LIN7A: variants seen among roughly 807,000 people sequenced by gnomAD.
LIN7A encodes the protein protein lin-7 homolog A.
LIN7A carries 25 observed loss-of-function variants against 29.8 expected under a neutral mutation model. That is an observed-to-expected ratio of 0.84 (90% confidence interval 0.61 to 1.17). The LOEUF (loss-of-function observed/expected upper bound fraction) is 1.17. Ranked by LOEUF, LIN7A falls within the 50% of genes most tolerant of loss-of-function variation. The pLI is 0.00. For missense variants in LIN7A, 239 were observed against 287.0 expected (o/e 0.83, Z 1.21); for synonymous variants, 118 against 107.5 (o/e 1.10, Z -0.60).
chr12:80,895,516 T>C (rs1430424025), intron 1 of LIN7A, among the ~76,000 whole-genome samples: 1 of 152,214 alleles, frequency 6.6e-6, no homozygotes, highest in African/African-American at 2.4e-5. Context: ...TGTTGAGCAC[T>C]CAAGCTAACA....
intron 4 of LIN7A, among the ~76,000 whole-genome samples, chr12:80,842,558 T>G (rs1281114329): frequency 2.6e-5 from 4 of 152,176 alleles, no homozygotes; most frequent in Non-Finnish European, 5.9e-5. Flanking sequence ...AAATTGTACC[T>G]TATTTAAAGC....
intron 2 of LIN7A, among the ~76,000 whole-genome samples, chr12:80,886,282 C>T (rs896202810): frequency 6.6e-6 from 1 of 151,724 alleles, no homozygotes; most frequent in African/African-American, 2.4e-5. Flanking sequence ...TATAATGCAA[C>T]TTCGAGACAT....
At position 80,851,331 on chromosome 12, in the gene LIN7A, A is replaced by T. The variant is rs974674427; in HGVS notation, c.202-3009T>A. Among the ~76,000 whole-genome samples the T allele has an allele frequency of 6.6e-5, 10 of 151,972 alleles. No individual in the cohort carries two copies. In the East Asian group the frequency reaches 1.5e-3, roughly 23 times the overall value. On this transcript the variant is annotated intron_variant, in intron 2 of 5. Coordinates refer to ENST00000552864, the MANE Select transcript of LIN7A (RefSeq NM_004664.4). ...ATTATAATATATGAAGACTTAGTGGAATGAATCCAATATAATTGCTAGTCT... is the reference window on the plus strand; with the variant it reads ...ATTATAATATATGAAGACTTAGTGGTATGAATCCAATATAATTGCTAGTCT...
chr12:80,924,159 T>C (rs759363989), intron 1 of LIN7A, among the ~76,000 whole-genome samples: 2 of 152,192 alleles, frequency 1.3e-5, no homozygotes, highest in Non-Finnish European at 2.9e-5. Context: ...CATTAGGCTA[T>C]CATTTACTTT....
chr12:80,812,055 A>C (rs537087937), intron 4 of LIN7A, among the ~76,000 whole-genome samples: 18 of 152,186 alleles, frequency 1.2e-4, no homozygotes, highest in Non-Finnish European at 2.4e-4. Context: ...TTTCTGTATC[A>C]GATATTAAAA....
chr12:80,891,776 T>C, intron 1 of LIN7A, among the ~76,000 whole-genome samples: 1 of 151,986 alleles, frequency 6.6e-6, no homozygotes, highest in East Asian at 1.9e-4. Flanking sequence ...GAGTCCTAGG[T>C]AGGAGGTGTA....
chr12:80,815,149 C>CTT (rs1871473309), intron 4 of LIN7A, among the ~76,000 whole-genome samples: 1 of 152,134 alleles, frequency 6.6e-6, no homozygotes, highest in African/African-American at 2.4e-5. Flanking sequence ...GCTTTGCCTA[C>CTT]TTTGTAAATA....
chr12:80,912,933 A>C (rs1231600731), intron 1 of LIN7A, among the ~76,000 whole-genome samples: 1 of 151,956 alleles, frequency 6.6e-6, no homozygotes, highest in Non-Finnish European at 1.5e-5. Flanking sequence ...AGAACAAAAC[A>C]CTCATGTTTC....
chr12:80,900,561 G>T (rs972103924), intron 1 of LIN7A, among the ~76,000 whole-genome samples: 1 of 152,104 alleles, frequency 6.6e-6, no homozygotes, highest in African/African-American at 2.4e-5. Context: ...CCATGTAATT[G>T]TATGGTTTTG....
intron 4 of LIN7A, among the ~76,000 whole-genome samples, chr12:80,822,790 C>A (rs976060748): frequency 1.6e-4 from 24 of 152,042 alleles, no homozygotes; most frequent in African/African-American, 4.6e-4. Flanking sequence ...GTGCCATGGG[C>A]ATCAAGGATG....
At chr12:80,802,967 C>A (rs1870792447) in intron 5 of LIN7A, among the ~76,000 whole-genome samples, 1 of 152,118 alleles carries the variant, frequency 6.6e-6, no homozygotes, top group African/African-American at 2.4e-5. Flanking sequence ...GTCATTTCCC[C>A]ATTTTTGATT....
At chr12:80,866,456 T>C (rs1387878459) in intron 2 of LIN7A, among the ~76,000 whole-genome samples, 2 of 152,244 alleles carry the variant, frequency 1.3e-5, no homozygotes, top group African/African-American at 4.8e-5. Context: ...CAGTCTGGAT[T>C]TTCTTTTTTA....
At chr12:80,936,483 T>C (rs566266617) in intron 1 of LIN7A, 1 of 152,258 alleles carries the variant, frequency 6.6e-6, no homozygotes, top group South Asian at 2.1e-4. Flanking sequence ...AGAAAGAAAA[T>C]TTTTAGAGGT....
chr12:80,827,217 C>T (rs535028280), intron 4 of LIN7A, among the ~76,000 whole-genome samples: 33 of 152,162 alleles, frequency 2.2e-4, no homozygotes, highest in African/African-American at 7.2e-4. Context: ...GAAACCCCAT[C>T]TCTACTAAAA....
intron 5 of LIN7A, among the ~76,000 whole-genome samples, chr12:80,801,087 C>G (rs1047380289): frequency 6.6e-6 from 1 of 151,188 alleles, no homozygotes; most frequent in Non-Finnish European, 1.5e-5. Flanking sequence ...TATAAACATA[C>G]ATATAAACAT....
At chr12:80,800,271 T>C (rs145345763) in intron 5 of LIN7A, among the ~76,000 whole-genome samples, 2,099 of 151,958 alleles carry the variant, frequency 0.014, 34 homozygotes, top group African/African-American at 0.044. Context: ...TGGCGGATCA[T>C]CTGAGGTCGG....
At chr12:80,831,751 T>C (rs1445118663) in intron 4 of LIN7A, among the ~76,000 whole-genome samples, 2 of 152,214 alleles carry the variant, frequency 1.3e-5, no homozygotes, top group African/African-American at 2.4e-5. Context: ...TCATGTGAAA[T>C]GGTGTGTGCC....
chr12:80,867,511 T>A (rs1033638804), intron 2 of LIN7A, among the ~76,000 whole-genome samples: 1 of 152,222 alleles, frequency 6.6e-6, no homozygotes, highest in African/African-American at 2.4e-5. Context: ...TGAAAGAGAC[T>A]GTTGATAGCA....
chr12:80,891,157 G>C (rs543931474), intron 1 of LIN7A, among the ~76,000 whole-genome samples: 199 of 152,282 alleles, frequency 1.3e-3, no homozygotes, highest in African/African-American at 4.7e-3. Flanking sequence ...TCTCATGGAA[G>C]TCTTCATCAT....
Sources: gnomAD v4.1 joint callset for allele counts (sites outside exome capture counted in the v4.1 genomes callset) on GRCh38, gnomAD v4.1.1 for gene constraint, MANE v1.5 for transcripts, NCBI Gene and HGNC (gene_info 2026-07-23, HGNC 2026-07-21) for gene names.